The following ELF1 variants were observed in gnomAD, a reference collection of about 807,000 sequenced individuals.
ELF1 encodes the protein ETS-related transcription factor Elf-1.
In ELF1, 24 loss-of-function variants were observed where a neutral mutation model predicts 59.9. The ratio of observed to expected loss-of-function variants is 0.40; its 90% CI spans 0.29 to 0.56. ELF1 has a LOEUF of 0.56. ELF1 is among the 20% of genes least tolerant of loss of function. ELF1 has a pLI of 0.44. For synonymous variants in ELF1, 248 were observed against 266.2 expected, an observed-to-expected ratio of 0.93 and a Z score of 0.67; for missense variants, 627 against 742.2, an observed-to-expected ratio of 0.84 and a Z score of 1.80.
chr13:40,984,349 G>C (rs1245435872), intron 1 of ELF1, among the ~76,000 whole-genome samples: 1 of 152,042 alleles, frequency 6.6e-6, no homozygotes, highest in Admixed American at 6.5e-5. Context: ...GGAGTCACTT[G>C]AGACTACACA....
At chr13:40,957,442 T>C (rs1871516628) in intron 3 of ELF1, among the ~76,000 whole-genome samples, 1 of 147,624 alleles carries the variant, frequency 6.8e-6, no homozygotes. Context: ...AAGATATATT[T>C]GGGGAGATAA....
chr13:41,002,306 C>CT, intron 1 of ELF1, among the ~76,000 whole-genome samples: 2 of 152,032 alleles, frequency 1.3e-5, no homozygotes, highest in South Asian at 4.2e-4. Flanking sequence ...ATAATTCTTC[C>CT]TATATTGTCT....
At chr13:40,985,552 C>T (rs1463393275) in intron 1 of ELF1, among the ~76,000 whole-genome samples, 1 of 152,096 alleles carries the variant, frequency 6.6e-6, no homozygotes, top group Admixed American at 6.5e-5. Flanking sequence ...ATTAAGTAAA[C>T]GCATATGTAA....
intron 1 of ELF1, among the ~76,000 whole-genome samples, chr13:41,008,106 CAT>C (rs1874855609): frequency 6.6e-6 from 1 of 152,182 alleles, no homozygotes; most frequent in Non-Finnish European, 1.5e-5. Flanking sequence ...CCATTAAATA[CAT>C]ATGTTTTTAA....
At chr13:41,045,571 T>C (rs1876808638) in intron 1 of ELF1, among the ~76,000 whole-genome samples, 1 of 152,168 alleles carries the variant, frequency 6.6e-6, no homozygotes, top group Non-Finnish European at 1.5e-5. Context: ...CAGGAGCAGG[T>C]TGTTCAGTTT....
intron 1 of ELF1, among the ~76,000 whole-genome samples, chr13:41,054,169 A>G (rs1383537574): frequency 6.6e-6 from 1 of 152,236 alleles, no homozygotes; most frequent in Non-Finnish European, 1.5e-5. Flanking sequence ...GCAAAGAAGT[A>G]CCATCTAAAA....
chr13:41,046,168 CTATG>C, intron 1 of ELF1, among the ~76,000 whole-genome samples: 1 of 152,240 alleles, frequency 6.6e-6, no homozygotes, highest in South Asian at 2.1e-4. Flanking sequence ...TATTTTGAGC[CTATG>C]TGTGTCTCTG....
chr13:41,040,865 G>C (rs185449858), intron 1 of ELF1, among the ~76,000 whole-genome samples: 1 of 152,150 alleles, frequency 6.6e-6, no homozygotes, highest in East Asian at 1.9e-4. Context: ...TTTGTTACTC[G>C]GTATTTAAGT....
At chr13:41,019,193 G>T in intron 1 of ELF1, 35 bp downstream of exon 1, 1 of 985,368 alleles carries the variant, frequency 1.0e-6, no homozygotes, top group Non-Finnish European at 1.2e-6. Flanking sequence ...TCAAGAAAAA[G>T]CCAGAAGCAA....
At chr13:41,032,243 GT>G (rs1395789044) in intron 1 of ELF1, among the ~76,000 whole-genome samples, 2 of 149,212 alleles carry the variant, frequency 1.3e-5, no homozygotes, top group Non-Finnish European at 3.0e-5. Context: ...TTGAGATGGA[GT>G]TTTGCTCTCG....
chr13:41,024,622 C>T (rs1182028312), intron 1 of ELF1, among the ~76,000 whole-genome samples: 3 of 152,154 alleles, frequency 2.0e-5, no homozygotes, highest in Non-Finnish European at 2.9e-5. Flanking sequence ...AGCGATCCGC[C>T]TGCCTCGGCC....
intron 2 of ELF1, among the ~76,000 whole-genome samples, chr13:40,980,034 C>T (rs1873164251): frequency 6.6e-6 from 1 of 152,168 alleles, no homozygotes; most frequent in Admixed American, 6.6e-5. Flanking sequence ...GATCTACCCT[C>T]CTGCAAAGCA....
intron 1 of ELF1, among the ~76,000 whole-genome samples, chr13:41,055,545 G>A (rs1331294850): frequency 6.6e-6 from 1 of 151,652 alleles, no homozygotes; most frequent in African/African-American, 2.4e-5. Context: ...TCCCCTCTGA[G>A]CATTTATCAA....
At chr13:41,043,279 C>A (rs1183379648) in intron 1 of ELF1, among the ~76,000 whole-genome samples, 1 of 152,114 alleles carries the variant, frequency 6.6e-6, no homozygotes, top group African/African-American at 2.4e-5. Context: ...ATGGTAGTTT[C>A]TTTTGCTGTG....
chr13:40,998,492 A>C (rs1440154985), intron 1 of ELF1, among the ~76,000 whole-genome samples: 1 of 152,204 alleles, frequency 6.6e-6, no homozygotes, highest in Non-Finnish European at 1.5e-5. Context: ...ATTTTTTGCA[A>C]AAGGATGAAA....
chr13:40,943,381 C>T (rs745350909), intron 6 of ELF1, among the ~76,000 whole-genome samples: 12 of 152,100 alleles, frequency 7.9e-5, no homozygotes, highest in Non-Finnish European at 1.3e-4. Context: ...GCAATCTTGT[C>T]ATAAGATTTG....
At chr13:40,956,173 C>A (rs1418700196) in intron 3 of ELF1, among the ~76,000 whole-genome samples, 1 of 149,946 alleles carries the variant, frequency 6.7e-6, no homozygotes. Flanking sequence ...GGATGGTTGC[C>A]GTGTCTGTGT....
chr13:40,970,051 A>T (rs1199893732), intron 2 of ELF1, among the ~76,000 whole-genome samples: 2 of 152,166 alleles, frequency 1.3e-5, no homozygotes, highest in Non-Finnish European at 2.9e-5. Flanking sequence ...AAAAATCTAC[A>T]TTATTACCAT....
At chr13:41,001,309 T>A (rs964460897) in intron 1 of ELF1, among the ~76,000 whole-genome samples, 1 of 151,970 alleles carries the variant, frequency 6.6e-6, no homozygotes, top group South Asian at 2.1e-4. Context: ...ATATGAAGGC[T>A]GGGCATGGTG....
Sources: allele counts gnomAD v4.1 joint callset (sites outside exome capture counted in the v4.1 genomes callset), GRCh38; gene constraint gnomAD v4.1.1; transcripts MANE v1.5; gene names NCBI Gene and HGNC (gene_info 2026-07-23, HGNC 2026-07-21).